Variants in PDGFA observed in about 807,000 individuals in gnomAD.
The protein encoded by PDGFA is platelet derived growth factor subunit A, also known as platelet-derived growth factor subunit A.
In PDGFA, 9 loss-of-function variants were observed where a neutral mutation model predicts 25.6. The observed-to-expected ratio is 0.35, with a 90% confidence interval of 0.21 to 0.61. The LOEUF is 0.61. Among genes scored for constraint, PDGFA ranks in the 20% least tolerant of loss-of-function variants. The probability of loss-of-function intolerance (pLI) is 0.75; values close to 1 mark genes in which losing one functional copy is unlikely to be tolerated. For synonymous variants in PDGFA, 133 were observed against 111.8 expected (o/e 1.19, Z -1.20); for missense variants, 242 against 272.8 (o/e 0.89, Z 0.79).
At position 500,335 on chromosome 7, in the gene PDGFA, G is replaced by A. The variant is rs138848771; in HGVS notation, c.580+781C>T. The A allele has an allele frequency of 2.9e-5, 40 of 1,382,872 alleles. No individual in the cohort carries two copies. In the Middle Eastern group the frequency reaches 5.4e-4, roughly 19 times the overall value. 85.7% of individuals were successfully genotyped at this position (1,382,872 alleles called of 1,614,324 possible). On this transcript the variant is annotated intron_variant, in intron 5 of 5. Transcript: ENST00000402802. This position sits in a 1 kb window ranked among gnomAD's most constrained non-coding sequence, Gnocchi z 5.0. ...GGCCAATCAGGGCCACATCCCCGCC[G>A]CACCCGGCGAGACAGGAAGCGTGAT...
At chr7:518,716 C>T (rs1430843109) in intron 1 of PDGFA, among the ~76,000 whole-genome samples, 3 of 152,212 alleles carry the variant, frequency 2.0e-5, no homozygotes, top group African/African-American at 7.2e-5. Flanking sequence ...GTCCACCTCG[C>T]TGCTCCCCGG....
At position 518,927 on chromosome 7, in the gene PDGFA, G is replaced by A. The variant is rs1783235728; in HGVS notation, c.63+12C>T. 1.3e-6 allele frequency: 2 copies of A among 1,512,668 alleles called. No individual in the cohort carries two copies. The highest frequency in any genetic ancestry group is 8.8e-7 in the Non-Finnish European group (1 of 1,131,652). The allele number at this position is 1,512,668 out of a possible 1,614,324, so 93.7% of individuals were successfully genotyped here. A position where few individuals can be genotyped will look rare whatever the true frequency, so the allele number is the denominator to read the frequency against. The stretch of plus-strand genomic sequence containing the variant: ...AGCCGGCGCAGGGACGGGGCGCGGG[G>A]GCGGCACCAACCTCGGCCAGAACAT... On this transcript the variant is annotated intron_variant, in intron 1 of 5. Coordinates refer to ENST00000402802, the Ensembl canonical transcript of PDGFA.
chr7:516,101 C>T (rs1266816874), intron 2 of PDGFA, among the ~76,000 whole-genome samples: 1 of 139,848 alleles, frequency 7.2e-6, no homozygotes, highest in East Asian at 2.2e-4. Context: ...AAGGGATTCC[C>T]CCCCACAAAC....
At chr7:502,492 G>A (rs984363629) in intron 4 of PDGFA, among the ~76,000 whole-genome samples, 3 of 148,496 alleles carry the variant, frequency 2.0e-5, no homozygotes, top group African/African-American at 7.5e-5. Context: ...GGCCATCACC[G>A]AGGCTACACA....
Position 501,253 on chromosome 7 carries a change from G to A in PDGFA, c.454-11C>T, listed in dbSNP as rs374865568. The A allele has an allele frequency of 4.3e-6, 7 of 1,613,768 alleles. No individual in the cohort carries two copies. In the African/African-American group the frequency reaches 9.3e-5, roughly 22 times the overall value. ...TTCCACCTTGGCCACCTGCCAGAGA[G>A]AACAGAGCCCGGCCATGAATGCCTG... On this transcript the variant is annotated splice_polypyrimidine_tract_variant and intron_variant, in intron 4 of 5. Coordinates refer to ENST00000402802, the Ensembl canonical transcript of PDGFA.
chr7:520,012 C>G, upstream of PDGFA: 1 of 380,518 alleles, frequency 2.6e-6, no homozygotes, highest in Non-Finnish European at 5.2e-6. Flanking sequence ...GCGCCGCCGC[C>G]GCGGCAGGGA....
intron 2 of PDGFA, chr7:512,781 C>G (rs1219408933): frequency 1.4e-6 from 1 of 724,304 alleles, no homozygotes; most frequent in East Asian, 5.9e-5. Context: ...GGTGCCTCCT[C>G]CAAGGTAGCC....
At chr7:499,147 G>A (rs1038224093) in intron 5 of PDGFA, among the ~76,000 whole-genome samples, 4 of 152,184 alleles carry the variant, frequency 2.6e-5, no homozygotes, top group East Asian at 3.9e-4. Flanking sequence ...CTCACCATGG[G>A]GTCTGTCACC....
At chr7:518,561 C>T in intron 1 of PDGFA, 1 of 204,952 alleles carries the variant, frequency 4.9e-6, no homozygotes, top group Non-Finnish European at 9.8e-6. Context: ...CCTATTTATC[C>T]GCCGCCCTTC....
At chr7:510,471 G>C (rs978216114) in intron 4 of PDGFA, among the ~76,000 whole-genome samples, 1 of 150,260 alleles carries the variant, frequency 6.7e-6, no homozygotes, top group Non-Finnish European at 1.5e-5. Context: ...TGCTTGGTAG[G>C]GGCGGCCCCG....
At chr7:512,730 C>T (rs1782918585) in intron 2 of PDGFA, 3 of 1,249,376 alleles carry the variant, frequency 2.4e-6, no homozygotes, top group African/African-American at 3.0e-5. Flanking sequence ...TGACGAAGCG[C>T]AGGGCCCTTC....
Position 500,653 on chromosome 7 carries a change from A to C in PDGFA, c.580+463T>G. ...AACTTCTGAGTCCCCTCATGCTCCC[A>C]GGGCCCAGCCATAGCAGGGCACAGA... On this transcript the variant is annotated intron_variant, in intron 5 of 5. Coordinates refer to ENST00000402802, the Ensembl canonical transcript of PDGFA. This position sits in a 1 kb window ranked among gnomAD's most constrained non-coding sequence, Gnocchi z 5.0. The C allele has an allele frequency of 6.8e-7, 1 of 1,473,256 alleles. No individual in the cohort carries two copies. Among genetic ancestry groups the C allele is most frequent in the Non-Finnish European group, 8.9e-7 (1 of 1,118,248 alleles). 91.3% of individuals were successfully genotyped at this position (1,473,256 alleles called of 1,614,324 possible).
At chr7:510,863 G>A (rs1283962277) in exon 4 of PDGFA, 3 of 1,611,002 alleles carry the variant, frequency 1.9e-6, no homozygotes, top group African/African-American at 1.3e-5. Flanking sequence ...TGCTCGTGTT[G>A]CAGCAGCCGG....
chr7:501,040 G>A lies in PDGFA; in HGVS notation c.580+76C>T, dbSNP rs771241021. On this transcript the variant is annotated intron_variant, in intron 5 of 5. Transcript: ENST00000402802. ...CAGCAGTAAGCGTTGCGCTCAAGGGGGCCACCTAACACCCCAAAAGCAAGG... is the reference window on the plus strand; with the variant it reads ...CAGCAGTAAGCGTTGCGCTCAAGGGAGCCACCTAACACCCCAAAAGCAAGG... 6.8e-6 allele frequency: 11 copies of A among 1,612,672 alleles called. No individual in the cohort carries two copies. In the South Asian group the frequency reaches 1.1e-4, roughly 16 times the overall value.
At chr7:501,137 C>G (rs752731942) in exon 5 of PDGFA, 5 of 1,614,084 alleles carry the variant, frequency 3.1e-6, no homozygotes, top group African/African-American at 1.3e-5. Flanking sequence ...TCCCGATAAT[C>G]CGGATTCAGG....
intron 4 of PDGFA, among the ~76,000 whole-genome samples, chr7:503,086 C>T (rs550086190): frequency 2.4e-4 from 37 of 152,288 alleles, no homozygotes; most frequent in African/African-American, 7.9e-4. Context: ...ATTTCATCCT[C>T]CCAACCATGC....
At chr7:501,333 G>A (rs1381330575) in intron 4 of PDGFA, 91 bp from the exon 5 acceptor site, 1 of 1,523,840 alleles carries the variant, frequency 6.6e-7, no homozygotes, top group African/African-American at 1.4e-5. Flanking sequence ...CTGAGAGGGA[G>A]GAGAGAGCAG....
At chr7:510,782 G>GGGAGA (rs1562489637) in intron 4 of PDGFA, 27 bp downstream of exon 4, 1 of 858,460 alleles carries the variant, frequency 1.2e-6, no homozygotes, top group East Asian at 3.9e-5. Flanking sequence ...GGGAGGGGAG[G>GGGAGA]GGAGGGGAGG....
chr7:503,304 C>A (rs1186561774), intron 4 of PDGFA, among the ~76,000 whole-genome samples: 1 of 152,102 alleles, frequency 6.6e-6, no homozygotes, highest in Non-Finnish European at 1.5e-5. Context: ...CCAGCCCTGC[C>A]GCATGCAGGG....
Sources: gnomAD v4.1 joint callset for allele counts (sites outside exome capture counted in the v4.1 genomes callset) on GRCh38, gnomAD v4.1.1 for gene constraint, Gnocchi (gnomAD v3.1) non-coding constraint, MANE v1.5 for transcripts, NCBI Gene and HGNC (gene_info 2026-07-23, HGNC 2026-07-21) for gene names.